The following MBP variants were observed in gnomAD, a reference collection of about 807,000 sequenced individuals.
MBP encodes the protein Golli-MBP.
In MBP, 16 loss-of-function variants were observed where a neutral mutation model predicts 35.8. The ratio of observed to expected loss-of-function variants is 0.45; its 90% CI spans 0.30 to 0.68. The LOEUF is 0.68. Ranked by LOEUF, MBP falls within the 30% of genes least tolerant of loss-of-function variation. MBP has a pLI of 0.08. For missense variants in MBP, 380 were observed against 404.7 expected, an observed-to-expected ratio of 0.94 and a Z score of 0.52; for synonymous variants, 143 against 159.6, an observed-to-expected ratio of 0.90 and a Z score of 0.78.
intron 3 of MBP, among the ~76,000 whole-genome samples, chr18:77,029,142 A>C: frequency 8.8e-6 from 1 of 114,078 alleles, no homozygotes; most frequent in African/African-American, 2.7e-5. Flanking sequence ...AGTGAACGAG[A>C]CTCCGTCTGC....
chr18:77,021,274 CCCA>C (rs1971975560), intron 3 of MBP, among the ~76,000 whole-genome samples: 1 of 152,192 alleles, frequency 6.6e-6, no homozygotes, highest in African/African-American at 2.4e-5. Context: ...TGCACACACA[CCCA>C]CGTGTACACA....
At chr18:77,099,094 G>A (rs1387939055) in intron 2 of MBP, among the ~76,000 whole-genome samples, 1 of 152,060 alleles carries the variant, frequency 6.6e-6, no homozygotes, top group African/African-American at 2.4e-5. Flanking sequence ...GGACCTGTAA[G>A]CATCTCTCAG....
intron 2 of MBP, among the ~76,000 whole-genome samples, chr18:77,075,335 G>A (rs984205155): frequency 1.3e-5 from 2 of 152,180 alleles, no homozygotes; most frequent in Non-Finnish European, 2.9e-5. Flanking sequence ...ATTGATAAGA[G>A]AAAACACTCT....
chr18:76,986,045 G>A, intron 7 of MBP: 1 of 985,688 alleles, frequency 1.0e-6, no homozygotes, highest in Non-Finnish European at 1.2e-6. Flanking sequence ...GGGAGGAAGG[G>A]AAGGAGCTCG....
At chr18:77,059,125 A>G (rs953735036) in intron 3 of MBP, among the ~76,000 whole-genome samples, 1 of 152,256 alleles carries the variant, frequency 6.6e-6, no homozygotes, top group African/African-American at 2.4e-5. Context: ...ATTAAAAGAA[A>G]GAAAAAACCC....
chr18:77,001,057 A>G (rs535230762), intron 4 of MBP, among the ~76,000 whole-genome samples: 1 of 152,372 alleles, frequency 6.6e-6, no homozygotes, highest in East Asian at 1.9e-4. Flanking sequence ...ATCAACGATC[A>G]TAAGGTCAAT....
chr18:77,093,762 C>T lies in MBP; in HGVS notation c.51+11449G>A, dbSNP rs149196985. On this transcript the variant is annotated intron_variant, in intron 2 of 8. Coordinates refer to ENST00000355994, the MANE Select transcript of MBP (RefSeq NM_001025101.2). ...AACATTCACAAGAAATTCCCACGGGCGGGCGCTGCAACTGCTGGACACCCC... is the reference window on the plus strand; with the variant it reads ...AACATTCACAAGAAATTCCCACGGGTGGGCGCTGCAACTGCTGGACACCCC... 8.8e-4 allele frequency among the ~76,000 whole-genome samples: 134 copies of T among 152,288 alleles called. 1 individual carries two copies. The highest frequency in any genetic ancestry group is 2.9e-3 in the African/African-American group (121 of 41,568).
intron 3 of MBP, among the ~76,000 whole-genome samples, chr18:77,052,691 C>T (rs1187949569): frequency 6.6e-6 from 1 of 152,172 alleles, no homozygotes; most frequent in African/African-American, 2.4e-5. Flanking sequence ...GCAGTGTCCC[C>T]CACCCATCCA....
chr18:77,069,728 CAGCATA>C (rs1164536457), intron 2 of MBP, among the ~76,000 whole-genome samples: 1 of 152,182 alleles, frequency 6.6e-6, no homozygotes, highest in East Asian at 1.9e-4. Flanking sequence ...AGGGTGGGGG[CAGCATA>C]AGCATGAGGA....
intron 1 of MBP, chr18:77,109,600 A>C (rs1302862410): frequency 6.6e-6 from 1 of 152,208 alleles, no homozygotes; most frequent in Admixed American, 6.5e-5. Flanking sequence ...GATAGAGAAG[A>C]CCTCAATGCC....
intron 4 of MBP, among the ~76,000 whole-genome samples, chr18:76,998,877 A>G (rs113961230): frequency 8.7e-4 from 133 of 152,208 alleles, no homozygotes; most frequent in African/African-American, 3.1e-3. Flanking sequence ...GCTCAGCTCA[A>G]TTGTAGAAAC....
intron 3 of MBP, among the ~76,000 whole-genome samples, chr18:77,040,513 C>T (rs573465597): frequency 1.3e-5 from 2 of 152,288 alleles, no homozygotes; most frequent in South Asian, 4.1e-4. Context: ...AGGCATCATG[C>T]TACCTGACTT....
At chr18:77,098,981 TCTCCC>T (rs1261151000) in intron 2 of MBP, among the ~76,000 whole-genome samples, 2 of 146,130 alleles carry the variant, frequency 1.4e-5, no homozygotes, top group African/African-American at 5.1e-5. Context: ...TCTCCTCTTC[TCTCCC>T]CTCCTCTCCA....
chr18:77,001,053 G>A (rs986649206), intron 4 of MBP, among the ~76,000 whole-genome samples: 5 of 152,196 alleles, frequency 3.3e-5, no homozygotes, highest in Admixed American at 6.5e-5. Flanking sequence ...CTGAATCAAC[G>A]ATCATAAGGT....
rs143686397 is a variant in MBP at position 77,049,762 on chromosome 18, C to T, written c.139+16536G>A. Among the ~76,000 whole-genome samples, 1,010 of 152,200 alleles carry T rather than the reference C, an allele frequency of 6.6e-3. 8 individuals carry two copies. Among genetic ancestry groups the T allele is most frequent in the African/African-American group, 0.023 (960 of 41,518 alleles). On this transcript the variant is annotated intron_variant, in intron 3 of 8. Coordinates refer to ENST00000355994, the MANE Select transcript of MBP (RefSeq NM_001025101.2). ...TGGTGCAATCTCAGCTCACTGCAACCTCTGCCTCCCGGATTCAAGCAATTC... is the reference window on the plus strand; with the variant it reads ...TGGTGCAATCTCAGCTCACTGCAACTTCTGCCTCCCGGATTCAAGCAATTC...
At chr18:77,043,329 AAAAT>A in intron 3 of MBP, among the ~76,000 whole-genome samples, 1 of 152,248 alleles carries the variant, frequency 6.6e-6, no homozygotes, top group African/African-American at 2.4e-5. Context: ...CCATGTCATG[AAAAT>A]AAATTAATAA....
At chr18:77,093,851 A>G (rs1357376003) in intron 2 of MBP, among the ~76,000 whole-genome samples, 1 of 152,226 alleles carries the variant, frequency 6.6e-6, no homozygotes, top group Non-Finnish European at 1.5e-5. Flanking sequence ...ATGCAAACAC[A>G]GTTTCATAAA....
At chr18:77,001,797 C>A (rs896869645) in intron 4 of MBP, among the ~76,000 whole-genome samples, 1 of 152,092 alleles carries the variant, frequency 6.6e-6, no homozygotes, top group Non-Finnish European at 1.5e-5. Context: ...TTGCAGTGAG[C>A]CGAGATCAAG....
chr18:77,035,557 A>C (rs185286269), intron 3 of MBP, among the ~76,000 whole-genome samples: 187 of 152,254 alleles, frequency 1.2e-3, no homozygotes, highest in African/African-American at 4.3e-3. Context: ...AACGTGCATC[A>C]CTCATGCAGA....
Sources: allele counts gnomAD v4.1 joint callset (sites outside exome capture counted in the v4.1 genomes callset), GRCh38; gene constraint gnomAD v4.1.1; transcripts MANE v1.5; gene names NCBI Gene and HGNC (gene_info 2026-07-23, HGNC 2026-07-21).